NUBPL: variants seen among roughly 807,000 people sequenced by gnomAD.
NUBPL encodes NUBP iron-sulfur cluster assembly factor, mitochondrial.
A neutral mutation model predicts 45.7 loss-of-function variants in NUBPL; 31 were observed. The observed-to-expected ratio is 0.68, with a 90% CI of 0.51 to 0.92. NUBPL has a LOEUF of 0.92. Among genes scored for constraint, NUBPL ranks in the 40% least tolerant of loss-of-function variants. The probability of loss-of-function intolerance (pLI) is 0.00; values close to 1 mark genes in which losing one functional copy is unlikely to be tolerated. For missense variants in NUBPL, 401 were observed against 398.7 expected (o/e 1.01, Z -0.05); for synonymous variants, 144 against 140.9 (o/e 1.02, Z -0.15).
chr14:31,729,290 A>G (rs979807037), intron 6 of NUBPL, among the ~76,000 whole-genome samples: 2 of 48,222 alleles, frequency 4.1e-5, no homozygotes, highest in Admixed American at 5.2e-4. Flanking sequence ...CCCCCCCCCA[A>G]AAAAAAAGTC....
Position 31,562,152 on chromosome 14 carries a change from G to C in NUBPL, c.193G>C (p.Gly65Arg). 3.7e-6 allele frequency: 6 copies of C among 1,614,008 alleles called. No individual in the cohort carries two copies. The highest frequency in any genetic ancestry group is 5.1e-6 in the Non-Finnish European group (6 of 1,179,938). ...ACTTCCAAAGCAGAAACCGATAGAAGGTGTTAAACAAGTTATAGTTGTGGC... is the reference window on the plus strand; with the variant it reads ...ACTTCCAAAGCAGAAACCGATAGAACGTGTTAAACAAGTTATAGTTGTGGC... Reference protein sequence around the residue: ...RGLPKQKPIEGVKQVIVVASG... With the variant: ...RGLPKQKPIERVKQVIVVASG... The change falls in exon 2 of 11, where the codon GGT (glycine) becomes CGT (arginine). Residue 65 changes from glycine (G) to arginine (R), a missense_variant. Transcript: ENST00000281081.
At chr14:31,729,279 C>CG (rs1555332379) in intron 6 of NUBPL, among the ~76,000 whole-genome samples, 2 of 78,460 alleles carry the variant, frequency 2.5e-5, no homozygotes, top group African/African-American at 6.0e-5. Context: ...GCTCCATCCC[C>CG]CCCCCCCCCA....
chr14:31,815,205 C>G (rs2039891708), intron 7 of NUBPL, among the ~76,000 whole-genome samples: 1 of 151,946 alleles, frequency 6.6e-6, no homozygotes, highest in African/African-American at 2.4e-5. Flanking sequence ...TGTGTCCTCT[C>G]TTATTTTCTT....
chr14:31,817,329 A>T (rs1405666981), intron 7 of NUBPL, among the ~76,000 whole-genome samples: 4 of 152,096 alleles, frequency 2.6e-5, no homozygotes, highest in African/African-American at 9.7e-5. Flanking sequence ...CACAGAGAAC[A>T]CTGCAAAGAT....
chr14:31,709,855 AGG>A (rs2037532190), intron 6 of NUBPL, among the ~76,000 whole-genome samples: 1 of 152,088 alleles, frequency 6.6e-6, no homozygotes, highest in Admixed American at 6.5e-5. Context: ...GGGAGATTAG[AGG>A]AGGATTATCG....
At chr14:31,603,866 T>G (rs892604129) in intron 4 of NUBPL, among the ~76,000 whole-genome samples, 2 of 152,182 alleles carry the variant, frequency 1.3e-5, no homozygotes, top group African/African-American at 2.4e-5. Flanking sequence ...TGAGCCAAGG[T>G]GTCAAGCTTT....
intron 6 of NUBPL, among the ~76,000 whole-genome samples, chr14:31,736,681 G>A (rs2038173234): frequency 6.6e-6 from 1 of 152,048 alleles, no homozygotes; most frequent in Admixed American, 6.6e-5. Context: ...ATGTTTTATG[G>A]GATTCAGATG....
At chr14:31,773,767 A>T (rs1268999841) in intron 6 of NUBPL, among the ~76,000 whole-genome samples, 1 of 152,230 alleles carries the variant, frequency 6.6e-6, no homozygotes, top group East Asian at 1.9e-4. Flanking sequence ...ACTTGATTAT[A>T]GAATAGAAGT....
chr14:31,614,152 A>G (rs887684362), intron 4 of NUBPL, among the ~76,000 whole-genome samples: 7 of 152,164 alleles, frequency 4.6e-5, no homozygotes, highest in Non-Finnish European at 4.4e-5. Flanking sequence ...ACCCTAATAT[A>G]GGGGCTAAGT....
chr14:31,608,401 A>G (rs184077414), intron 4 of NUBPL, among the ~76,000 whole-genome samples: 2 of 152,032 alleles, frequency 1.3e-5, no homozygotes, highest in African/African-American at 2.4e-5. Context: ...TAAACATACA[A>G]AAATTAGCTG....
chr14:31,800,833 G>C (rs2039573232), intron 7 of NUBPL: 1 of 152,124 alleles, frequency 6.6e-6, no homozygotes, highest in African/African-American at 2.4e-5. Context: ...CTCTTTTTAA[G>C]GATTGGAGAG....
At chr14:31,801,185 A>G (rs371728049) in intron 7 of NUBPL, 34 of 152,342 alleles carry the variant, frequency 2.2e-4, no homozygotes, top group African/African-American at 7.7e-4. Context: ...GAGGTAGGTA[A>G]TAAAACTTCA....
chr14:31,619,677 T>G (rs1473069836), intron 4 of NUBPL, among the ~76,000 whole-genome samples: 1 of 152,186 alleles, frequency 6.6e-6, no homozygotes, highest in Non-Finnish European at 1.5e-5. Flanking sequence ...TGGCTTCCCT[T>G]TGTGGGTAAC....
At chr14:31,644,047 A>G (rs2035778385) in intron 4 of NUBPL, among the ~76,000 whole-genome samples, 1 of 151,634 alleles carries the variant, frequency 6.6e-6, no homozygotes, top group Non-Finnish European at 1.5e-5. Context: ...TTCTTAGTTA[A>G]TCTAGCTAAA....
intron 8 of NUBPL, chr14:31,845,663 G>A (rs75349025): frequency 0.1 from 15,548 of 152,688 alleles, 976 homozygotes; most frequent in Non-Finnish European, 0.14. Flanking sequence ...CTCCATCTCA[G>A]AAACAAACAA....
chr14:31,679,868 T>C (rs1033313517), intron 6 of NUBPL, among the ~76,000 whole-genome samples: 1 of 152,224 alleles, frequency 6.6e-6, no homozygotes, highest in Non-Finnish European at 1.5e-5. Flanking sequence ...AGTCTTCTAA[T>C]CTGTGACCTT....
At chr14:31,725,222 A>G (rs1229194475) in intron 6 of NUBPL, among the ~76,000 whole-genome samples, 1 of 152,154 alleles carries the variant, frequency 6.6e-6, no homozygotes, top group African/African-American at 2.4e-5. Flanking sequence ...AGAGTACTCA[A>G]ACAACCCTGT....
chr14:31,564,608 C>T (rs1019326398), intron 2 of NUBPL, among the ~76,000 whole-genome samples: 2 of 150,648 alleles, frequency 1.3e-5, no homozygotes, highest in Non-Finnish European at 2.9e-5. Flanking sequence ...AAATGAAAGG[C>T]AATGAGATTG....
At chr14:31,838,241 T>C (rs1276666252) in intron 8 of NUBPL, among the ~76,000 whole-genome samples, 1 of 139,184 alleles carries the variant, frequency 7.2e-6, no homozygotes, top group Non-Finnish European at 1.5e-5. Context: ...TTTGCTTCTT[T>C]AACGTATTAA....
Sources: gnomAD v4.1 joint callset for allele counts (sites outside exome capture counted in the v4.1 genomes callset) on GRCh38, gnomAD v4.1.1 for gene constraint, MANE v1.5 for transcripts, NCBI Gene and HGNC (gene_info 2026-07-23, HGNC 2026-07-21) for gene names.